DOCK1: variants seen among roughly 807,000 people sequenced by gnomAD.
DOCK1 encodes the protein dedicator of cytokinesis 1, also known as dedicator of cytokinesis protein 1.
DOCK1 carries 138 observed loss-of-function variants against 262.7 expected under a neutral mutation model. That is an observed-to-expected ratio of 0.53 (90% CI 0.46 to 0.61). The LOEUF is 0.61. DOCK1 is among the 20% of genes least tolerant of loss of function. DOCK1 has a pLI of 0.00. For synonymous variants in DOCK1, 866 were observed against 867.4 expected (o/e 1.00, Z 0.03); for missense variants, 1,908 against 2,370.7 (o/e 0.80, Z 4.05).
intron 23 of DOCK1, among the ~76,000 whole-genome samples, chr10:127,089,858 T>G (rs911907589): frequency 3.9e-5 from 6 of 152,266 alleles, no homozygotes; most frequent in Admixed American, 6.5e-5. Context: ...TTTAGTTCCA[T>G]AACTGTAAAC....
chr10:127,113,058 T>C (rs919069827), intron 25 of DOCK1, among the ~76,000 whole-genome samples: 2 of 152,204 alleles, frequency 1.3e-5, no homozygotes, highest in Non-Finnish European at 2.9e-5. Flanking sequence ...AAATATTCTG[T>C]GCCACCTTTG....
chr10:127,376,869 C>T (rs1415632818), intron 35 of DOCK1, among the ~76,000 whole-genome samples: 1 of 152,164 alleles, frequency 6.6e-6, no homozygotes, highest in Non-Finnish European at 1.5e-5. Context: ...TGAATATGGG[C>T]TCTTACTACC....
chr10:127,088,714 A>T (rs1032924082), intron 23 of DOCK1, among the ~76,000 whole-genome samples: 6 of 151,726 alleles, frequency 4.0e-5, no homozygotes, highest in African/African-American at 9.7e-5. Flanking sequence ...CATGATTCTC[A>T]TGTTTAATTG....
chr10:127,441,455 C>G (rs1395676759), intron 49 of DOCK1, among the ~76,000 whole-genome samples: 1 of 152,224 alleles, frequency 6.6e-6, no homozygotes, highest in Non-Finnish European at 1.5e-5. Flanking sequence ...ATCCGAACCT[C>G]CCACTGGGGG....
intron 28 of DOCK1, among the ~76,000 whole-genome samples, chr10:127,255,391 T>G (rs1376208054): frequency 1.3e-5 from 2 of 151,840 alleles, no homozygotes; most frequent in Non-Finnish European, 2.9e-5. Context: ...GGGAATGAAA[T>G]AAATAAATAA....
In DOCK1 at chr10:127,437,076, T is replaced by A. The variant is rs2069737451; in HGVS notation, c.5061-1951T>A. ...TCGATTCTCCATATTCCCTGCATAT[T>A]GGTGGTTGAATCTAGCGATTTGATC... On this transcript the variant is annotated intron_variant, in intron 48 of 51. Coordinates refer to ENST00000623213, the MANE Select transcript of DOCK1 (RefSeq NM_001290223.2). The surrounding 1 kb of genome is among the most constrained non-coding windows in gnomAD (Gnocchi z 4.4). 6.6e-6 allele frequency among the ~76,000 whole-genome samples: 1 copy of A among 152,234 alleles called. No homozygotes were observed. Among genetic ancestry groups the A allele is most frequent in the Non-Finnish European group, 1.5e-5 (1 of 68,038 alleles).
intron 29 of DOCK1, among the ~76,000 whole-genome samples, chr10:127,292,196 T>C (rs1443898408): frequency 1.3e-5 from 2 of 152,166 alleles, no homozygotes; most frequent in Admixed American, 6.5e-5. Flanking sequence ...TTAATTTTTC[T>C]TTTTAAATCC....
intron 29 of DOCK1, among the ~76,000 whole-genome samples, chr10:127,298,211 A>C (rs2061567039): frequency 6.6e-6 from 1 of 152,172 alleles, no homozygotes; most frequent in Non-Finnish European, 1.5e-5. Flanking sequence ...GTCCAAACAA[A>C]TAATATCTAT....
chr10:126,912,330 T>G (rs1206190004), intron 1 of DOCK1, among the ~76,000 whole-genome samples: 1 of 151,460 alleles, frequency 6.6e-6, no homozygotes. Flanking sequence ...CTGGGGAGGC[T>G]GAGGCAGGAG....
At chr10:127,031,351 C>G (rs1287365926) in intron 16 of DOCK1, among the ~76,000 whole-genome samples, 1 of 152,146 alleles carries the variant, frequency 6.6e-6, no homozygotes, top group African/African-American at 2.4e-5. Flanking sequence ...TGCTGCTCTT[C>G]TTGGCCCTTT....
intron 29 of DOCK1, among the ~76,000 whole-genome samples, chr10:127,261,296 GGTGT>G (rs535927864): frequency 5.0e-4 from 31 of 61,608 alleles, no homozygotes; most frequent in East Asian, 1.7e-3. Flanking sequence ...TGTGCATGTG[GGTGT>G]GTGTGTGTGT....
intron 38 of DOCK1, among the ~76,000 whole-genome samples, chr10:127,397,584 T>A (rs2066970907): frequency 6.6e-6 from 1 of 151,632 alleles, no homozygotes; most frequent in African/African-American, 2.4e-5. Flanking sequence ...TCCTTTGTGA[T>A]CTGAGCATGA....
chr10:127,432,076 G>A (rs1038345209), intron 47 of DOCK1, among the ~76,000 whole-genome samples: 3 of 152,156 alleles, frequency 2.0e-5, no homozygotes, highest in Non-Finnish European at 4.4e-5. Flanking sequence ...ATGATCTGAG[G>A]TGCAACAGTT....
intron 29 of DOCK1, among the ~76,000 whole-genome samples, chr10:127,329,962 A>G (rs776352528): frequency 6.6e-5 from 10 of 152,098 alleles, no homozygotes; most frequent in Non-Finnish European, 1.5e-4. Context: ...GTTTATCCCA[A>G]CACTTGCTAA....
intron 1 of DOCK1, among the ~76,000 whole-genome samples, chr10:126,916,283 T>C (rs139582071): frequency 1.3e-5 from 2 of 152,364 alleles, no homozygotes; most frequent in Admixed American, 6.5e-5. Flanking sequence ...GGGTTATTCA[T>C]GTTAAACTAT....
chr10:127,112,085 C>T (rs1018493912), intron 25 of DOCK1, among the ~76,000 whole-genome samples: 1 of 151,594 alleles, frequency 6.6e-6, no homozygotes, highest in Non-Finnish European at 1.5e-5. Context: ...AATCTCAGCT[C>T]CCTGCAACCT....
rs181343046 is a variant in DOCK1, at chr10:127,131,659, A to G, written c.2847+3895A>G. On this transcript the variant is annotated intron_variant, in intron 27 of 51. Coordinates refer to ENST00000623213, the MANE Select transcript of DOCK1 (RefSeq NM_001290223.2). ...ATTTGCATCAAATGTAGATTTGTGC[A>G]TTAACTTTTTAAAGTCGTTGCTCTG... is the stretch of plus-strand genomic sequence containing the variant. Among the ~76,000 whole-genome samples the G allele has an allele frequency of 5.9e-4, 50 of 85,016 alleles. No individual in the cohort carries two copies. In the East Asian group the frequency reaches 0.021, roughly 36 times the overall value. The allele number at this position is 85,016 out of a possible 152,430, so 55.8% of individuals were successfully genotyped here.
intron 27 of DOCK1, among the ~76,000 whole-genome samples, chr10:127,164,212 CCTG>C (rs1476112206): frequency 4.5e-5 from 5 of 110,692 alleles, no homozygotes; most frequent in Non-Finnish European, 8.5e-5. Context: ...GAGACAGAGT[CCTG>C]CTCTGTCACC....
chr10:126,976,612 A>G (rs2038559696), intron 2 of DOCK1, among the ~76,000 whole-genome samples: 1 of 152,156 alleles, frequency 6.6e-6, no homozygotes, highest in Non-Finnish European at 1.5e-5. Flanking sequence ...CCTTTTTAAT[A>G]GTGTAAAGAA....
Sources: allele counts gnomAD v4.1 joint callset (sites outside exome capture counted in the v4.1 genomes callset), GRCh38; gene constraint gnomAD v4.1.1; non-coding constraint Gnocchi (gnomAD v3.1); transcripts MANE v1.5; gene names NCBI Gene and HGNC (gene_info 2026-07-23, HGNC 2026-07-21).